ZNF112: variants seen among roughly 807,000 people sequenced by gnomAD.
The protein encoded by ZNF112 is zinc finger protein 112.
A neutral mutation model predicts 77.7 loss-of-function variants in ZNF112; 37 were observed. The observed-to-expected ratio is 0.48, with a 90% CI of 0.37 to 0.63. ZNF112 has a LOEUF of 0.63. ZNF112 is among the 20% of genes least tolerant of loss of function. The pLI, the probability that ZNF112 is intolerant of heterozygous loss-of-function variation, is 0.00. For missense variants in ZNF112, 950 were observed against 1,077.4 expected (o/e 0.88, Z 1.66); for synonymous variants, 333 against 363.6 (o/e 0.92, Z 0.96).
At chr19:44,352,569 T>C (rs765013989) in intron 1 of ZNF112, among the ~76,000 whole-genome samples, 97 of 152,112 alleles carry the variant, frequency 6.4e-4, no homozygotes, top group Non-Finnish European at 1.2e-3. Context: ...CTGACCCTAT[T>C]AATACACAAC....
chr19:44,338,147 A>G (rs1970423181), intron 2 of ZNF112, among the ~76,000 whole-genome samples: 1 of 152,206 alleles, frequency 6.6e-6, no homozygotes, highest in Non-Finnish European at 1.5e-5. Context: ...CAATTTTAAC[A>G]TCTAAAAAAT....
intron 3 of ZNF112, among the ~76,000 whole-genome samples, chr19:44,333,141 G>A (rs935548689): frequency 6.6e-6 from 1 of 152,150 alleles, no homozygotes; most frequent in African/African-American, 2.4e-5. Flanking sequence ...GAAAGTCAAT[G>A]ATTCAAGCAA....
Position 44,354,062 on chromosome 19 carries a change from C to T in ZNF112, c.-4+2564G>A, listed in dbSNP as rs1286561415. Among the ~76,000 whole-genome samples, 10 of 152,124 alleles carry T rather than the reference C, an allele frequency of 6.6e-5. No individual in the cohort carries two copies. In the East Asian group the frequency reaches 1.9e-3, roughly 29 times the overall value. On this transcript the variant is annotated intron_variant, in intron 1 of 3. Coordinates refer to ENST00000354340, the MANE Select transcript of ZNF112 (RefSeq NM_013380.4). ...AGAAATGAAGTATTGATACGTATAA[C>T]AACTTTGATGAATGTCAAGAGCAAT...
intron 1 of ZNF112, among the ~76,000 whole-genome samples, chr19:44,364,112 G>A (rs1970880624): frequency 6.6e-6 from 1 of 152,100 alleles, no homozygotes; most frequent in South Asian, 2.1e-4. Flanking sequence ...GTTTCTCCAT[G>A]TTGGCCAGGC....
intron 1 of ZNF112, among the ~76,000 whole-genome samples, chr19:44,344,444 A>G (rs1186335990): frequency 1.2e-4 from 18 of 152,218 alleles, no homozygotes; most frequent in Admixed American, 1.2e-3. Flanking sequence ...ACCACCTCAA[A>G]GAGAGGTGCA....
chr19:44,349,120 G>A (rs753735473), intron 1 of ZNF112, among the ~76,000 whole-genome samples: 1 of 152,044 alleles, frequency 6.6e-6, no homozygotes, highest in Non-Finnish European at 1.5e-5. Flanking sequence ...ATTTGTTTAC[G>A]TACGGCCTAT....
rs556735334 is a variant in ZNF112, at chr19:44,365,477, TATA to T, written c.17+1601_17+1603del. ...CCTCTCTCAAAAAAAATTATATATA[TATA>T]TATTTATGTGTGTGTGTGTAAAAAT... On this transcript the variant is annotated intron_variant, in intron 1 of 4. Coordinates refer to the ZNF112 transcript ENST00000588057. Among the ~76,000 whole-genome samples the T allele has an allele frequency of 1.2e-3, 131 of 111,138 alleles. 3 individuals are homozygous for T. The highest frequency in any genetic ancestry group is 3.3e-3 in the African/African-American group (123 of 37,424). The allele number at this position is 111,138 out of a possible 152,430, so 72.9% of individuals were successfully genotyped here.
chr19:44,329,167 A>G lies in ZNF112; in HGVS notation c.990T>C (p.Tyr330=), dbSNP rs1384177626. ...TEEKPCKCGE[Y]GENFNHCSPL... ...GGGAACAGTGATTGAAGTTCTCACC[A>G]TATTCACCACATTTGCATGGTTTCT... Residue 330 remains tyrosine (Y), a synonymous_variant, in exon 4 of 4, where the codon TAT becomes TAC. Coordinates refer to ENST00000354340, the MANE Select transcript of ZNF112 (RefSeq NM_013380.4). 1 of 1,613,908 alleles carries G rather than the reference A, an allele frequency of 6.2e-7. No individual in the cohort carries two copies. Among genetic ancestry groups the G allele is most frequent in the Admixed American group, 1.7e-5 (1 of 59,994 alleles).
chr19:44,337,651 T>C (rs1970406445), intron 2 of ZNF112, among the ~76,000 whole-genome samples: 1 of 150,840 alleles, frequency 6.6e-6, no homozygotes, highest in Non-Finnish European at 1.5e-5. Context: ...AACGCATGAA[T>C]GTTCTTCATT....
chr19:44,342,857 A>T (rs1970517303), intron 1 of ZNF112, among the ~76,000 whole-genome samples: 1 of 151,968 alleles, frequency 6.6e-6, no homozygotes, highest in Admixed American at 6.6e-5. Context: ...GGAGAGGGAT[A>T]ACAACAGTTT....
In ZNF112 at chr19:44,329,929, C is replaced by A; in HGVS notation, c.228G>T (p.Lys76Asn). 1.2e-6 allele frequency: 2 copies of A among 1,609,102 alleles called. No homozygotes were observed. Among genetic ancestry groups the A allele is most frequent in the East Asian group, 2.2e-5 (1 of 44,818 alleles). ...ETPRDGCSGR[K>N]NQQKMESIQE... ...GAATACTCTCCATCTTTTGTTGATTCTTCCTTCCTATAAGGATAAAGAGAA... is the reference window on the plus strand; with the variant it reads ...GAATACTCTCCATCTTTTGTTGATTATTCCTTCCTATAAGGATAAAGAGAA... Residue 76 changes from lysine (K) to asparagine (N), a missense_variant, in exon 4 of 4, where the codon AAG becomes AAT. This residue lies in a region of ZNF112 where 560 missense variants were observed against 557.3 expected (regional missense o/e 1.00). Coordinates refer to ENST00000354340, the MANE Select transcript of ZNF112 (RefSeq NM_013380.4).
Position 44,337,326 on chromosome 19 carries a change from AAT to A in ZNF112, c.125-610_125-609del, listed in dbSNP as rs1042068249. The stretch of plus-strand genomic sequence containing the variant: ...ATATATATATTTTGTATATGTATAA[AAT>A]ATATATACATTTTGTATATGTGTAA... On this transcript the variant is annotated intron_variant, in intron 2 of 3. Coordinates refer to ENST00000354340, the MANE Select transcript of ZNF112 (RefSeq NM_013380.4). Among the ~76,000 whole-genome samples, 3 of 92,110 alleles carry A rather than the reference AAT, an allele frequency of 3.3e-5. 1 individual carries two copies. Among genetic ancestry groups the A allele is most frequent in the Non-Finnish European group, 5.9e-5 (3 of 50,722 alleles). The allele number at this position is 92,110 out of a possible 152,430, so 60.4% of individuals were successfully genotyped here. A position where few individuals can be genotyped will look rare whatever the true frequency, so the allele number is the denominator to read the frequency against.
chr19:44,340,654 A>G (rs1970473406), intron 1 of ZNF112, 112 bp from the exon 2 acceptor site: 3 of 1,470,540 alleles, frequency 2.0e-6, no homozygotes, highest in African/African-American at 1.4e-5. Context: ...ACATTTACAT[A>G]GTTCTCTTCT....
At chr19:44,348,811 C>A (rs187756776) in intron 1 of ZNF112, among the ~76,000 whole-genome samples, 2 of 152,022 alleles carry the variant, frequency 1.3e-5, no homozygotes, top group Non-Finnish European at 2.9e-5. Context: ...AAATGTATAG[C>A]AATGATGCAT....
chr19:44,338,683 A>G (rs1027156551), intron 2 of ZNF112, among the ~76,000 whole-genome samples: 21 of 152,366 alleles, frequency 1.4e-4, no homozygotes, highest in Non-Finnish European at 2.6e-4. Context: ...TGCTGTGGAA[A>G]TGTTCTAAAT....
chr19:44,365,510 T>TACAC lies in ZNF112; in HGVS notation c.17+1567_17+1570dup, dbSNP rs559519624. Among the ~76,000 whole-genome samples, 12 of 151,560 alleles carry TACAC rather than the reference T, an allele frequency of 7.9e-5. No individual in the cohort carries two copies. In the South Asian group the frequency reaches 2.3e-3, roughly 29 times the overall value. Reference sequence around the variant, plus strand: ...TATGTGTGTGTGTGTAAAAATTGTATACACACACACACATACATACACTCA... The same window carrying TACAC: ...TATGTGTGTGTGTGTAAAAATTGTATACACACACACACACACATACATACACTCA... On this transcript the variant is annotated intron_variant, in intron 1 of 4. Coordinates refer to the ZNF112 transcript ENST00000588057.
rs766793561 is a variant in ZNF112, at chr19:44,329,544, CACACTT to C, written c.607_612del (p.Lys203_Cys204del). 1.9e-6 allele frequency: 3 copies of C among 1,614,104 alleles called. No individual in the cohort carries two copies. Among genetic ancestry groups the C allele is most frequent in the Non-Finnish European group, 8.5e-7 (1 of 1,180,014 alleles). On this transcript the variant is annotated inframe_deletion, in exon 4 of 4. Transcript: ENST00000354340. The stretch of plus-strand genomic sequence containing the variant: ...TGATGTGAGAGCCAACTGACACTGT[CACACTT>C]ACAGAAATGATTTTTCATGGAAATT...
At chr19:44,336,452 G>A (rs1970367919) in intron 3 of ZNF112, among the ~76,000 whole-genome samples, 171 bp downstream of exon 3, 1 of 152,218 alleles carries the variant, frequency 6.6e-6, no homozygotes, top group Admixed American at 6.5e-5. Context: ...AAAGTGAGAA[G>A]AGGTTGAGGG....
At chr19:44,337,413 TA>T (rs377487589) in intron 2 of ZNF112, among the ~76,000 whole-genome samples, 1,908 of 29,114 alleles carry the variant, frequency 0.066, 168 homozygotes, top group Middle Eastern at 0.15. Flanking sequence ...ATTTTATATA[TA>T]ATAATATATA....
Sources: allele counts gnomAD v4.1 joint callset (sites outside exome capture counted in the v4.1 genomes callset), GRCh38; gene constraint gnomAD v4.1.1; regional missense constraint gnomAD v4.1.1; transcripts MANE v1.5; gene names NCBI Gene and HGNC (gene_info 2026-07-23, HGNC 2026-07-21).